TMEM163: variants seen among roughly 807,000 people sequenced by gnomAD.
The protein encoded by TMEM163 is transmembrane protein 163.
A neutral mutation model predicts 29.3 loss-of-function variants in TMEM163; 17 were observed. The ratio of observed to expected loss-of-function variants is 0.58; its 90% CI spans 0.40 to 0.87. TMEM163 has a LOEUF of 0.87. Among genes scored for constraint, TMEM163 ranks in the 40% least tolerant of loss-of-function variants. The probability of loss-of-function intolerance (pLI) is 0.00; values close to 1 mark genes in which losing one functional copy is unlikely to be tolerated. For missense variants in TMEM163, 303 were observed against 381.5 expected (o/e 0.79, Z 1.71); for synonymous variants, 157 against 160.6 (o/e 0.98, Z 0.17).
At chr2:134,717,170 G>A (rs1226809198) in intron 1 of TMEM163, among the ~76,000 whole-genome samples, 3 of 152,146 alleles carry the variant, frequency 2.0e-5, no homozygotes, top group African/African-American at 7.2e-5. Flanking sequence ...GGAGAAACAG[G>A]CCAGCTCTTA....
At position 134,498,398 on chromosome 2, in the gene TMEM163, C is replaced by T. The variant is rs527946966; in HGVS notation, c.555+4503G>A. ...TTTGAGACGGAGTCTTGCACTGTCG[C>T]CCAGGCTGGAGTGCAATCTGGTTCA... On this transcript the variant is annotated intron_variant, in intron 5 of 7. Transcript: ENST00000281924. Among the ~76,000 whole-genome samples, 40 of 147,422 alleles carry T rather than the reference C, an allele frequency of 2.7e-4. No individual in the cohort carries two copies. The South Asian group carries it at 8.2e-3, about 30-fold the overall frequency.
At chr2:134,609,896 C>A (rs568457475) in intron 2 of TMEM163, among the ~76,000 whole-genome samples, 2 of 150,588 alleles carry the variant, frequency 1.3e-5, no homozygotes, top group African/African-American at 4.9e-5. Context: ...GGAGGACAGA[C>A]CCCGAGAACT....
chr2:134,524,328 G>GCC (rs1558933201), intron 4 of TMEM163, among the ~76,000 whole-genome samples: 5 of 149,732 alleles, frequency 3.3e-5, no homozygotes, highest in Admixed American at 1.3e-4. Context: ...AAGAGTTTTT[G>GCC]TTTTTTAATA....
chr2:134,495,994 C>T (rs1312149577), intron 5 of TMEM163, among the ~76,000 whole-genome samples: 1 of 152,182 alleles, frequency 6.6e-6, no homozygotes, highest in African/African-American at 2.4e-5. Context: ...CCAATTCATC[C>T]ACCATGAATA....
At chr2:134,530,162 G>A (rs557049306) in intron 4 of TMEM163, among the ~76,000 whole-genome samples, 1 of 152,152 alleles carries the variant, frequency 6.6e-6, no homozygotes, top group Admixed American at 6.5e-5. Flanking sequence ...CTCCCTAAAA[G>A]TTCATGCTAG....
intron 5 of TMEM163, among the ~76,000 whole-genome samples, chr2:134,491,588 C>T (rs1679431004): frequency 6.6e-6 from 1 of 152,146 alleles, no homozygotes; most frequent in Non-Finnish European, 1.5e-5. Flanking sequence ...CCTGGTTCCA[C>T]TCGCCCTGTG....
chr2:134,666,700 C>T (rs1263479754), intron 2 of TMEM163, among the ~76,000 whole-genome samples: 1 of 152,180 alleles, frequency 6.6e-6, no homozygotes, highest in African/African-American at 2.4e-5. Context: ...CCTAGTTCCA[C>T]CAATTCCTCA....
chr2:134,706,938 T>A (rs1005812057), intron 2 of TMEM163, among the ~76,000 whole-genome samples: 4 of 152,190 alleles, frequency 2.6e-5, no homozygotes, highest in African/African-American at 9.7e-5. Context: ...GAAGACAGAA[T>A]GCAAAGGCAG....
chr2:134,481,497 G>A (rs538737944), intron 5 of TMEM163, among the ~76,000 whole-genome samples: 153 of 152,218 alleles, frequency 1.0e-3, no homozygotes, highest in Admixed American at 2.0e-3. Context: ...GCAATGTGAG[G>A]CGTGCCTTTC....
chr2:134,718,964 C>T lies in TMEM163; in HGVS notation c.-29G>A. ...GCGGGGCTGCGGATCCCGGCGGCGG[C>T]GACGACAAGCGCGGCGGGGACTCGA... On this transcript the variant is annotated 5_prime_UTR_variant, in exon 1 of 8. Transcript: ENST00000281924. 8.7e-6 allele frequency: 9 copies of T among 1,030,512 alleles called. No individual in the cohort carries two copies. Among genetic ancestry groups the T allele is most frequent in the Admixed American group, 5.7e-5 (1 of 17,596 alleles). The allele number at this position is 1,030,512 out of a possible 1,614,324, so 63.8% of individuals were successfully genotyped here.
chr2:134,570,599 G>A (rs1160852802), intron 2 of TMEM163, among the ~76,000 whole-genome samples: 2 of 152,074 alleles, frequency 1.3e-5, no homozygotes, highest in Non-Finnish European at 2.9e-5. Context: ...AGGAGGGGCT[G>A]TTCCTTTTTA....
intron 4 of TMEM163, among the ~76,000 whole-genome samples, chr2:134,522,475 G>A (rs1191215521): frequency 4.6e-5 from 7 of 152,224 alleles, no homozygotes; most frequent in South Asian, 2.1e-4. Context: ...GACAGCATCC[G>A]AAGTGCTAGC....
At chr2:134,652,594 T>C (rs1683506111) in intron 2 of TMEM163, among the ~76,000 whole-genome samples, 1 of 111,996 alleles carries the variant, frequency 8.9e-6, no homozygotes, top group Admixed American at 9.1e-5. Context: ...TGAATAGGAG[T>C]GGTGAGAGAG....
In TMEM163 at chr2:134,456,019, G is replaced by A. The variant is rs1312531161; in HGVS notation, c.*697C>T. The A allele has an allele frequency of 6.6e-6, 1 of 152,642 alleles. No individual in the cohort carries two copies. Among genetic ancestry groups the A allele is most frequent in the Non-Finnish European group, 1.5e-5 (1 of 68,098 alleles). The allele number at this position is 152,642 out of a possible 1,614,324, so 9.5% of individuals were successfully genotyped here. A position where few individuals can be genotyped will look rare whatever the true frequency, so the allele number is the denominator to read the frequency against. ...TATATTTATTTATTACAAATAAACT[G>A]TAGTTTCACATCTCTCAAAAATGGA... On this transcript the variant is annotated 3_prime_UTR_variant, in exon 8 of 8. Coordinates refer to ENST00000281924, the MANE Select transcript of TMEM163 (RefSeq NM_030923.5).
intron 2 of TMEM163, among the ~76,000 whole-genome samples, chr2:134,575,143 G>A (rs758673481): frequency 1.3e-5 from 2 of 152,100 alleles, no homozygotes; most frequent in African/African-American, 2.4e-5. Context: ...GCGCTGTAGG[G>A]TTCTTCTTCC....
At chr2:134,511,469 A>G (rs949112130) in intron 4 of TMEM163, among the ~76,000 whole-genome samples, 6 of 152,236 alleles carry the variant, frequency 3.9e-5, no homozygotes, top group African/African-American at 1.4e-4. Flanking sequence ...CTCACATTCA[A>G]AAAGGATCAC....
intron 2 of TMEM163, among the ~76,000 whole-genome samples, chr2:134,617,601 CAA>C (rs780180469): frequency 1.5e-4 from 11 of 72,416 alleles, no homozygotes; most frequent in Middle Eastern, 9.3e-3. Flanking sequence ...GACCCCATCT[CAA>C]AAAAAAAAAA....
chr2:134,465,345 G>C (rs889123493), intron 6 of TMEM163, among the ~76,000 whole-genome samples: 2 of 151,978 alleles, frequency 1.3e-5, no homozygotes, highest in Admixed American at 1.3e-4. Context: ...ACATATTTCT[G>C]CTCTATTTTG....
chr2:134,570,501 T>TATACATATACATATACACATACAC (rs1553481940), intron 2 of TMEM163, among the ~76,000 whole-genome samples: 121 of 143,960 alleles, frequency 8.4e-4, no homozygotes, highest in African/African-American at 3.4e-3. Flanking sequence ...TACATATACA[T>TATACATATACATATACACATACAC]ATACATATAC....
Sources: gnomAD v4.1 joint callset for allele counts (sites outside exome capture counted in the v4.1 genomes callset) on GRCh38, gnomAD v4.1.1 for gene constraint, MANE v1.5 for transcripts, NCBI Gene and HGNC (gene_info 2026-07-23, HGNC 2026-07-21) for gene names.